The following MYO16 variants were observed in gnomAD, a reference collection of about 807,000 sequenced individuals.
MYO16 encodes the protein myosin XVI.
A neutral mutation model predicts 205.3 loss-of-function variants in MYO16; 94 were observed. The observed-to-expected ratio is 0.46, with a 90% CI of 0.39 to 0.54. The LOEUF (loss-of-function observed/expected upper bound fraction) is 0.54. MYO16 is among the 20% of genes least tolerant of loss of function. The pLI, the probability that MYO16 is intolerant of heterozygous loss-of-function variation, is 0.00. For synonymous variants in MYO16, 988 were observed against 954.0 expected, an observed-to-expected ratio of 1.04 and a Z score of -0.66; for missense variants, 2,315 against 2,387.5, an observed-to-expected ratio of 0.97 and a Z score of 0.63.
At chr13:109,160,287 G>A (rs1009294996) in intron 32 of MYO16, among the ~76,000 whole-genome samples, 14 of 152,132 alleles carry the variant, frequency 9.2e-5, no homozygotes, top group South Asian at 2.1e-4. Context: ...CAAGACAACC[G>A]AATTTTTTGT....
Position 108,898,153 on chromosome 13 carries a change from A to G in MYO16, c.1777+20A>G. 6.3e-7 allele frequency: 1 copy of G among 1,576,176 alleles called. No individual in the cohort carries two copies. The highest frequency in any genetic ancestry group is 1.1e-5 in the South Asian group (1 of 90,258). ...CCGGAGGTAAGTGCAGTATTTGACAACGTGGATTTCCTGTGCCGAGCCAGC... is the reference window on the plus strand; with the variant it reads ...CCGGAGGTAAGTGCAGTATTTGACAGCGTGGATTTCCTGTGCCGAGCCAGC... On this transcript the variant is annotated intron_variant, in intron 15 of 34. Coordinates refer to ENST00000457511, the MANE Select transcript of MYO16 (RefSeq NM_001198950.3).
At chr13:108,684,076 A>G (rs1212067689) in intron 2 of MYO16, among the ~76,000 whole-genome samples, 2 of 152,100 alleles carry the variant, frequency 1.3e-5, no homozygotes, top group Non-Finnish European at 2.9e-5. Flanking sequence ...GGGTTTCACC[A>G]TGTTGGCCAA....
At chr13:108,863,209 C>A (rs948962772) in intron 11 of MYO16, among the ~76,000 whole-genome samples, 12 of 152,010 alleles carry the variant, frequency 7.9e-5, no homozygotes, top group East Asian at 1.9e-4. Flanking sequence ...TGCATTACTT[C>A]ATGAGATAGA....
chr13:109,189,147 G>A (rs1219000600), intron 34 of MYO16, among the ~76,000 whole-genome samples: 3 of 150,356 alleles, frequency 2.0e-5, no homozygotes, highest in Admixed American at 6.6e-5. Context: ...GAAAGATGAA[G>A]GCCAAAAGAT....
At chr13:108,639,382 ATC>A (rs1269141424) in intron 1 of MYO16, among the ~76,000 whole-genome samples, 2 of 152,084 alleles carry the variant, frequency 1.3e-5, no homozygotes, top group Non-Finnish European at 2.9e-5. Flanking sequence ...TAATTATTTC[ATC>A]TCCAACATCT....
chr13:109,191,628 GAGGT>G (rs1309499946), intron 34 of MYO16, among the ~76,000 whole-genome samples: 6 of 152,158 alleles, frequency 3.9e-5, no homozygotes, highest in Non-Finnish European at 8.8e-5. Context: ...CCAAGGCCCT[GAGGT>G]AGGAGCATGC....
the MYO16 span, among the ~76,000 whole-genome samples, chr13:108,569,654 C>G: frequency 6.6e-6 from 1 of 152,066 alleles, no homozygotes; most frequent in Non-Finnish European, 1.5e-5. Context: ...ATTATCTAAT[C>G]GTCCTGGCTG....
chr13:108,726,417 G>C (rs550151125), intron 3 of MYO16, among the ~76,000 whole-genome samples: 1 of 152,054 alleles, frequency 6.6e-6, no homozygotes, highest in South Asian at 2.1e-4. Context: ...AAATTAGCTG[G>C]GTGTGGTGGC....
intron 9 of MYO16, among the ~76,000 whole-genome samples, chr13:108,829,885 T>G (rs1332890948): frequency 2.0e-5 from 3 of 151,412 alleles, no homozygotes; most frequent in Non-Finnish European, 4.4e-5. Context: ...ATATCCAGAA[T>G]CTACAATGAA....
At position 108,723,628 on chromosome 13, in the gene MYO16, C is replaced by G. The variant is rs544797189; in HGVS notation, c.364-3812C>G. ...TGCCAGTTTCTTGAAAATTAGTTGT[C>G]TATACATGAATTGATCTATTTCTAA... On this transcript the variant is annotated intron_variant, in intron 3 of 34. Coordinates refer to ENST00000457511, the MANE Select transcript of MYO16 (RefSeq NM_001198950.3). 2.8e-4 allele frequency among the ~76,000 whole-genome samples: 42 copies of G among 152,190 alleles called. No individual in the cohort carries two copies. In the Middle Eastern group the frequency reaches 0.01, roughly 37 times the overall value.
At chr13:108,868,065 T>C (rs546982631) in intron 12 of MYO16, among the ~76,000 whole-genome samples, 131 of 152,370 alleles carry the variant, frequency 8.6e-4, no homozygotes, top group African/African-American at 2.8e-3. Flanking sequence ...GCAGTTTAAT[T>C]AACTATTGAC....
At position 109,147,589 on chromosome 13, in the gene MYO16, G is replaced by A. The variant is rs9521187; in HGVS notation, c.5164+6213G>A. Among the ~76,000 whole-genome samples, 722 of 152,186 alleles carry A rather than the reference G, an allele frequency of 4.7e-3. 3 individuals are homozygous for A. Among genetic ancestry groups the A allele is most frequent in the Non-Finnish European group, 7.8e-3 (531 of 68,008 alleles). On this transcript the variant is annotated intron_variant, in intron 32 of 34. Coordinates refer to ENST00000457511, the MANE Select transcript of MYO16 (RefSeq NM_001198950.3). ...TCCCCCAGGCTTCTTGCCTATGTGCGGGTCTTGTAGTGTTTTATCCTGTCT... is the reference window on the plus strand; with the variant it reads ...TCCCCCAGGCTTCTTGCCTATGTGCAGGTCTTGTAGTGTTTTATCCTGTCT...
At chr13:108,981,715 A>G (rs1884453079) in intron 20 of MYO16, among the ~76,000 whole-genome samples, 1 of 152,258 alleles carries the variant, frequency 6.6e-6, no homozygotes. Context: ...GACACACACG[A>G]TTATGAACAA....
chr13:108,762,126 T>G (rs1885629539), intron 4 of MYO16, among the ~76,000 whole-genome samples: 1 of 152,226 alleles, frequency 6.6e-6, no homozygotes, highest in African/African-American at 2.4e-5. Context: ...TTGTTTCACT[T>G]AAGATAGTGG....
At chr13:108,503,546 G>C in the MYO16 span, among the ~76,000 whole-genome samples, 2 of 152,074 alleles carry the variant, frequency 1.3e-5, no homozygotes, top group South Asian at 2.1e-4. Context: ...GATCATTCAA[G>C]TGAGGCTCAA....
At chr13:108,904,871 A>G (rs1274487074) in intron 15 of MYO16, among the ~76,000 whole-genome samples, 1 of 152,168 alleles carries the variant, frequency 6.6e-6, no homozygotes, top group Non-Finnish European at 1.5e-5. Context: ...CTTGTCTTTT[A>G]AGGGTACTAT....
chr13:108,632,091 A>G (rs1422549878), intron 1 of MYO16, among the ~76,000 whole-genome samples: 1 of 151,796 alleles, frequency 6.6e-6, no homozygotes, highest in African/African-American at 2.4e-5. Flanking sequence ...AAAAAAAAAA[A>G]AAAAAAAAGA....
At chr13:108,721,833 A>T (rs1045075777) in intron 3 of MYO16, among the ~76,000 whole-genome samples, 6 of 152,142 alleles carry the variant, frequency 3.9e-5, no homozygotes, top group African/African-American at 1.4e-4. Context: ...TTCTCTGGAC[A>T]TTTCCAGAAG....
chr13:108,528,353 G>A, the MYO16 span, among the ~76,000 whole-genome samples: 1 of 152,082 alleles, frequency 6.6e-6, no homozygotes, highest in African/African-American at 2.4e-5. Flanking sequence ...CTGGCTGTGA[G>A]GATAGAATTT....
Sources: gnomAD v4.1 joint callset for allele counts (sites outside exome capture counted in the v4.1 genomes callset) on GRCh38, gnomAD v4.1.1 for gene constraint, MANE v1.5 for transcripts, NCBI Gene and HGNC (gene_info 2026-07-23, HGNC 2026-07-21) for gene names.